Variants in LRMDA observed in about 807,000 individuals in gnomAD.
LRMDA encodes the protein leucine-rich melanocyte differentiation-associated protein.
A neutral mutation model predicts 29.8 loss-of-function variants in LRMDA; 18 were observed. That is an observed-to-expected ratio of 0.60 (90% CI 0.42 to 0.90). The LOEUF is 0.90. LRMDA is among the 40% of genes least tolerant of loss of function. LRMDA has a pLI of 0.00. For synonymous variants in LRMDA, 125 were observed against 109.4 expected (o/e 1.14, Z -0.89); for missense variants, 273 against 273.9 (o/e 1.00, Z 0.02).
At chr10:76,423,718 C>T (rs542558905) in intron 6 of LRMDA, among the ~76,000 whole-genome samples, 4 of 152,302 alleles carry the variant, frequency 2.6e-5, no homozygotes, top group East Asian at 1.9e-4. Flanking sequence ...CTTTTGACTT[C>T]GATCAAAATC....
intron 5 of LRMDA, among the ~76,000 whole-genome samples, chr10:76,133,903 C>T (rs374476552): frequency 6.6e-6 from 1 of 152,134 alleles, no homozygotes; most frequent in East Asian, 1.9e-4. Flanking sequence ...GTTGGGTGCC[C>T]ACAGGGACGA....
At chr10:76,172,729 C>G (rs1032302861) in intron 5 of LRMDA, among the ~76,000 whole-genome samples, 3 of 152,170 alleles carry the variant, frequency 2.0e-5, no homozygotes, top group Admixed American at 2.0e-4. Flanking sequence ...CAGTAGACTA[C>G]TCAGGAGAGT....
intron 5 of LRMDA, among the ~76,000 whole-genome samples, chr10:76,180,107 G>A (rs776971329): frequency 2.0e-5 from 3 of 151,850 alleles, no homozygotes; most frequent in Non-Finnish European, 2.9e-5. Context: ...GTGGAAATGC[G>A]TTAGTTTCGA....
chr10:76,008,577 A>G (rs994565946), intron 2 of LRMDA, among the ~76,000 whole-genome samples: 2 of 152,276 alleles, frequency 1.3e-5, no homozygotes, highest in Non-Finnish European at 2.9e-5. Context: ...TGCAGGGCAC[A>G]GGGGACTGGC....
chr10:75,509,905 TG>T, intron 2 of LRMDA, among the ~76,000 whole-genome samples: 1 of 152,196 alleles, frequency 6.6e-6, no homozygotes, highest in Non-Finnish European at 1.5e-5. Context: ...AGACCGCATG[TG>T]GGGCTACTGA....
At chr10:75,693,611 C>T (rs1477512399) in intron 2 of LRMDA, among the ~76,000 whole-genome samples, 1 of 152,180 alleles carries the variant, frequency 6.6e-6, no homozygotes, top group Non-Finnish European at 1.5e-5. Flanking sequence ...GTATGATGCC[C>T]TTGCCTTGTT....
At chr10:75,709,609 A>G (rs1396554345) in intron 2 of LRMDA, among the ~76,000 whole-genome samples, 1 of 152,042 alleles carries the variant, frequency 6.6e-6, no homozygotes, top group Non-Finnish European at 1.5e-5. Flanking sequence ...AGAAGTCATG[A>G]TATTTGGGAA....
intron 2 of LRMDA, among the ~76,000 whole-genome samples, chr10:75,525,593 T>TTTC (rs1845405130): frequency 3.7e-5 from 1 of 27,156 alleles, no homozygotes; most frequent in African/African-American, 1.2e-4. Context: ...TCTTTCTTTC[T>TTTC]TTTTTTTTTT....
intron 5 of LRMDA, among the ~76,000 whole-genome samples, chr10:76,200,339 TAGAG>T (rs1015467316): frequency 6.6e-6 from 1 of 152,208 alleles, no homozygotes; most frequent in African/African-American, 2.4e-5. Flanking sequence ...ATAGAAACGT[TAGAG>T]AGTGATTATT....
intron 2 of LRMDA, among the ~76,000 whole-genome samples, chr10:75,895,879 T>G (rs1023317845): frequency 6.6e-6 from 1 of 152,084 alleles, no homozygotes; most frequent in East Asian, 1.9e-4. Flanking sequence ...GAGAAATGAG[T>G]ATGGTGAAGT....
At chr10:76,235,933 A>G (rs11001703) in intron 5 of LRMDA, among the ~76,000 whole-genome samples, 10,656 of 152,264 alleles carry the variant, frequency 0.07, 454 homozygotes, top group Middle Eastern at 0.12. Flanking sequence ...CCGTGTGTGC[A>G]GTTCCTCAGA....
chr10:76,546,345 A>C (rs1432217405), intron 6 of LRMDA, among the ~76,000 whole-genome samples: 1 of 152,162 alleles, frequency 6.6e-6, no homozygotes, highest in Non-Finnish European at 1.5e-5. Flanking sequence ...TCCTCACTAA[A>C]GGCACTCCAG....
intron 2 of LRMDA, among the ~76,000 whole-genome samples, chr10:75,554,451 C>T (rs548355947): frequency 3.3e-5 from 5 of 152,250 alleles, no homozygotes; most frequent in Middle Eastern, 3.4e-3. Context: ...TAGACTTTTA[C>T]CTGACATTTC....
chr10:76,385,685 C>T (rs1358192444), intron 6 of LRMDA, among the ~76,000 whole-genome samples: 1 of 152,176 alleles, frequency 6.6e-6, no homozygotes, highest in African/African-American at 2.4e-5. Flanking sequence ...TTGAAGTTTT[C>T]TAGCTCCTTC....
chr10:76,510,691 T>G, intron 6 of LRMDA, among the ~76,000 whole-genome samples: 1 of 152,166 alleles, frequency 6.6e-6, no homozygotes, highest in East Asian at 1.9e-4. Context: ...GCTCTGAAAT[T>G]CTACTGCACA....
At chr10:76,298,072 G>C (rs1840434266) in intron 5 of LRMDA, among the ~76,000 whole-genome samples, 1 of 152,206 alleles carries the variant, frequency 6.6e-6, no homozygotes, top group Admixed American at 6.5e-5. Flanking sequence ...AGCTGCTGGT[G>C]CCATGCAGCC....
intron 5 of LRMDA, among the ~76,000 whole-genome samples, chr10:76,205,914 G>A (rs1564685318): frequency 6.6e-6 from 1 of 152,128 alleles, no homozygotes; most frequent in Non-Finnish European, 1.5e-5. Context: ...TGTCAGAAAT[G>A]CAGAATCGTT....
At chr10:76,405,691 C>A (rs779999481) in intron 6 of LRMDA, among the ~76,000 whole-genome samples, 3 of 152,182 alleles carry the variant, frequency 2.0e-5, no homozygotes, top group Non-Finnish European at 4.4e-5. Flanking sequence ...GAAGAAAGAG[C>A]AGTGGAGACA....
In LRMDA at chr10:75,660,704, GT is replaced by G. The variant is rs555512385; in HGVS notation, c.131+222222del. ...AATGAGCATTGAAGGTGTTCACCAT[GT>G]TTTTTTTTTTTAAGGTTGTGGAGAT... On this transcript the variant is annotated intron_variant, in intron 2 of 6. Transcript: ENST00000611255. Among the ~76,000 whole-genome samples the G allele has an allele frequency of 4.4e-3, 647 of 145,912 alleles. 3 individuals are homozygous for G. The highest frequency in any genetic ancestry group is 6.7e-3 in the Non-Finnish European group (441 of 65,902).
Sources: allele counts gnomAD v4.1 joint callset (sites outside exome capture counted in the v4.1 genomes callset), GRCh38; gene constraint gnomAD v4.1.1; transcripts MANE v1.5; gene names NCBI Gene and HGNC (gene_info 2026-07-23, HGNC 2026-07-21).